Variants in NALF1 observed in about 807,000 individuals in gnomAD.
NALF1 encodes the protein family with sequence similarity 155 member A.
Under a neutral mutation model 48.4 loss-of-function variants are expected in NALF1, and 3 were observed. That is an observed-to-expected ratio of 0.06 (90% confidence interval 0.03 to 0.16). The LOEUF is 0.16. Among genes scored for constraint, NALF1 ranks in the 10% least tolerant of loss-of-function variants. NALF1 has a pLI of 1.00. For missense variants in NALF1, 526 were observed against 571.5 expected, an observed-to-expected ratio of 0.92 and a Z score of 0.81; for synonymous variants, 262 against 245.7, an observed-to-expected ratio of 1.07 and a Z score of -0.62.
intron 1 of NALF1, among the ~76,000 whole-genome samples, chr13:107,506,538 TG>T (rs1875700982): frequency 6.6e-6 from 1 of 152,102 alleles, no homozygotes; most frequent in Admixed American, 6.5e-5. Flanking sequence ...AAATAAAACA[TG>T]TACTTATTAG....
chr13:107,305,511 C>A (rs554771237), intron 1 of NALF1, among the ~76,000 whole-genome samples: 1 of 152,278 alleles, frequency 6.6e-6, no homozygotes, highest in African/African-American at 2.4e-5. Context: ...TTATCTTCTG[C>A]TTATGCTTTA....
At chr13:107,587,173 T>G (rs141607023) in intron 1 of NALF1, among the ~76,000 whole-genome samples, 1 of 151,942 alleles carries the variant, frequency 6.6e-6, no homozygotes, top group East Asian at 1.9e-4. Flanking sequence ...ATGTTCAAGA[T>G]AGTAGGTGTA....
intron 1 of NALF1, among the ~76,000 whole-genome samples, chr13:107,800,990 T>C (rs1209618259): frequency 4.6e-5 from 7 of 152,074 alleles, no homozygotes; most frequent in Admixed American, 1.3e-4. Flanking sequence ...CTCAATCGCA[T>C]TTCAAGGAAA....
chr13:107,482,239 GCT>G (rs965483611), intron 1 of NALF1, among the ~76,000 whole-genome samples: 28 of 152,096 alleles, frequency 1.8e-4, no homozygotes, highest in African/African-American at 6.8e-4. Context: ...TGCAGCATCA[GCT>G]CTTTCCTGGG....
intron 2 of NALF1, among the ~76,000 whole-genome samples, chr13:107,191,350 T>G (rs1879276332): frequency 6.6e-6 from 1 of 152,176 alleles, no homozygotes; most frequent in South Asian, 2.1e-4. Context: ...AACACTCAGT[T>G]GCAACTCTTA....
intron 1 of NALF1, among the ~76,000 whole-genome samples, chr13:107,642,001 A>G (rs1439455445): frequency 6.6e-6 from 1 of 152,188 alleles, no homozygotes; most frequent in East Asian, 1.9e-4. Context: ...TGCAATGTGC[A>G]GTGAAGAATG....
intron 1 of NALF1, among the ~76,000 whole-genome samples, chr13:107,828,606 TACACAC>T (rs60869824): frequency 0.1 from 10,697 of 103,798 alleles, 470 homozygotes; most frequent in Admixed American, 0.14. Context: ...TCTATATCTA[TACACAC>T]ACACACACAC....
chr13:107,771,312 T>C (rs1243987742), intron 1 of NALF1, among the ~76,000 whole-genome samples: 1 of 151,820 alleles, frequency 6.6e-6, no homozygotes, highest in African/African-American at 2.4e-5. Context: ...TGTTTTACAA[T>C]TGAAAATATA....
intron 1 of NALF1, among the ~76,000 whole-genome samples, chr13:107,286,182 G>C (rs1215297147): frequency 6.6e-6 from 1 of 152,112 alleles, no homozygotes; most frequent in Non-Finnish European, 1.5e-5. Flanking sequence ...TGGTTCGGCG[G>C]CTGTAAAGAA....
chr13:107,524,805 A>C (rs1876374787), intron 1 of NALF1, among the ~76,000 whole-genome samples: 1 of 151,902 alleles, frequency 6.6e-6, no homozygotes, highest in African/African-American at 2.4e-5. Context: ...GGAAATGTTG[A>C]CTCTCAGCTA....
At chr13:107,319,918 A>G (rs1356144067) in intron 1 of NALF1, among the ~76,000 whole-genome samples, 1 of 152,120 alleles carries the variant, frequency 6.6e-6, no homozygotes, top group Admixed American at 6.6e-5. Flanking sequence ...GGGAAGCTGG[A>G]GTTAATGGAA....
chr13:107,491,806 C>A (rs1875133791), intron 1 of NALF1, among the ~76,000 whole-genome samples: 1 of 151,932 alleles, frequency 6.6e-6, no homozygotes, highest in Admixed American at 6.6e-5. Flanking sequence ...ACATTTAATT[C>A]TTAGAAGGCT....
chr13:107,550,595 T>C (rs929531419), intron 1 of NALF1, among the ~76,000 whole-genome samples: 2 of 152,162 alleles, frequency 1.3e-5, no homozygotes, highest in African/African-American at 4.8e-5. Context: ...CTACCTCAGT[T>C]CAGACCCTTC....
At chr13:107,614,884 C>T (rs1319065938) in intron 1 of NALF1, among the ~76,000 whole-genome samples, 6 of 151,882 alleles carry the variant, frequency 4.0e-5, no homozygotes, top group Admixed American at 3.3e-4. Flanking sequence ...TCAAGTGATT[C>T]TCCTGCCTCA....
At chr13:107,519,658 A>T (rs1364019926) in intron 1 of NALF1, among the ~76,000 whole-genome samples, 1 of 152,320 alleles carries the variant, frequency 6.6e-6, no homozygotes, top group East Asian at 1.9e-4. Context: ...GCCAAACAGA[A>T]GTTTCAGCAT....
chr13:107,663,894 T>C (rs1594192321), intron 1 of NALF1, among the ~76,000 whole-genome samples: 1 of 152,248 alleles, frequency 6.6e-6, no homozygotes, highest in African/African-American at 2.4e-5. Context: ...CTTATTCTCC[T>C]CAACTCCTTA....
At chr13:107,495,848 T>G (rs374205757) in intron 1 of NALF1, among the ~76,000 whole-genome samples, 4 of 152,092 alleles carry the variant, frequency 2.6e-5, no homozygotes, top group African/African-American at 9.7e-5. Context: ...AGGATAAGAA[T>G]AAAGAAAATT....
intron 1 of NALF1, among the ~76,000 whole-genome samples, chr13:107,680,539 G>A (rs1177600193): frequency 2.6e-5 from 4 of 151,708 alleles, no homozygotes; most frequent in Non-Finnish European, 4.4e-5. Flanking sequence ...GTGTGTATGT[G>A]ATGGTGTGTG....
intron 1 of NALF1, among the ~76,000 whole-genome samples, chr13:107,831,272 C>A (rs1411382908): frequency 6.6e-6 from 1 of 152,226 alleles, no homozygotes; most frequent in African/African-American, 2.4e-5. Flanking sequence ...CTATTGCTAA[C>A]CATAAACTTT....
Sources: allele counts gnomAD v4.1 joint callset (sites outside exome capture counted in the v4.1 genomes callset), GRCh38; gene constraint gnomAD v4.1.1; transcripts MANE v1.5; gene names NCBI Gene and HGNC (gene_info 2026-07-23, HGNC 2026-07-21).